ANO3: variants seen among roughly 807,000 people sequenced by gnomAD.
ANO3 encodes the protein anoctamin 3.
ANO3 carries 99 observed loss-of-function variants against 144.8 expected under a neutral mutation model. That is an observed-to-expected ratio of 0.68 (90% CI 0.58 to 0.81). ANO3 has a LOEUF of 0.81. ANO3 is among the 30% of genes least tolerant of loss of function. The pLI, the probability that ANO3 is intolerant of heterozygous loss-of-function variation, is 0.00. For synonymous variants in ANO3, 414 were observed against 392.6 expected (o/e 1.05, Z -0.64); for missense variants, 905 against 1,202.2 (o/e 0.75, Z 3.66).
intron 14 of ANO3, among the ~76,000 whole-genome samples, chr11:26,579,581 C>A (rs1241423545): frequency 9.9e-5 from 15 of 152,202 alleles, no homozygotes; most frequent in Admixed American, 9.8e-4. Context: ...ACAGTTCATA[C>A]AAGCTCTTTA....
chr11:26,423,058 A>G (rs539452383), intron 1 of ANO3, among the ~76,000 whole-genome samples: 1 of 152,040 alleles, frequency 6.6e-6, no homozygotes, highest in Admixed American at 6.6e-5. Context: ...TATTTTCTCT[A>G]TTTCTTTAAG....
At chr11:26,630,691 A>G (rs1852748733) in intron 18 of ANO3, among the ~76,000 whole-genome samples, 1 of 152,218 alleles carries the variant, frequency 6.6e-6, no homozygotes, top group Admixed American at 6.5e-5. Flanking sequence ...CACTAGGCTT[A>G]GTCGAGATAT....
At chr11:26,459,726 G>C (rs1461570950) in intron 3 of ANO3, among the ~76,000 whole-genome samples, 1 of 152,024 alleles carries the variant, frequency 6.6e-6, no homozygotes, top group African/African-American at 2.4e-5. Flanking sequence ...GTGCTGAAGA[G>C]TGAAATGTAC....
At chr11:26,193,415 C>T (rs1305891665) in intron 1 of ANO3, among the ~76,000 whole-genome samples, 1 of 152,120 alleles carries the variant, frequency 6.6e-6, no homozygotes, top group Admixed American at 6.5e-5. Context: ...GCTGGGATTA[C>T]AGGCGTCAGC....
At chr11:26,282,340 C>CATGTG (rs1480341424) in intron 1 of ANO3, among the ~76,000 whole-genome samples, 2 of 148,810 alleles carry the variant, frequency 1.3e-5, no homozygotes, top group African/African-American at 5.0e-5. Flanking sequence ...TTATCTGATT[C>CATGTG]ATGTGTCTGA....
intron 1 of ANO3, among the ~76,000 whole-genome samples, chr11:26,371,944 G>A (rs918568486): frequency 2.6e-5 from 4 of 152,150 alleles, no homozygotes; most frequent in Admixed American, 2.0e-4. Context: ...TTCAGTTAAT[G>A]CTGGAATAAG....
intron 1 of ANO3, among the ~76,000 whole-genome samples, chr11:26,389,553 C>T (rs538786941): frequency 6.6e-6 from 1 of 151,912 alleles, no homozygotes; most frequent in African/African-American, 2.4e-5. Flanking sequence ...TAATAAAGAT[C>T]TCTTTTCAAA....
At chr11:26,531,813 T>A (rs1849378885) in intron 8 of ANO3, among the ~76,000 whole-genome samples, 1 of 152,232 alleles carries the variant, frequency 6.6e-6, no homozygotes, top group African/African-American at 2.4e-5. Context: ...GAGATTTGTT[T>A]CATTACTGTC....
chr11:26,351,343 AT>A (rs1270256597), intron 1 of ANO3, among the ~76,000 whole-genome samples: 1 of 151,950 alleles, frequency 6.6e-6, no homozygotes, highest in Admixed American at 6.6e-5. Flanking sequence ...GTGTTACTTA[AT>A]TTTTTGAGAA....
chr11:26,289,605 ACACAC>A (rs1162490927), intron 1 of ANO3, among the ~76,000 whole-genome samples: 21 of 83,032 alleles, frequency 2.5e-4, no homozygotes, highest in Non-Finnish European at 4.4e-4. Flanking sequence ...ATGTACATAT[ACACAC>A]ATATATTCTA....
Position 26,662,565 on chromosome 11 carries a change from G to A in ANO3, c.*2121G>A, listed in dbSNP as rs568215371. 2.0e-5 allele frequency: 3 copies of A among 152,060 alleles called. No individual in the cohort carries two copies. The highest frequency in any genetic ancestry group is 7.2e-5 in the African/African-American group (3 of 41,528). The allele number at this position is 152,060 out of a possible 1,614,324, so 9.4% of individuals were successfully genotyped here. On this transcript the variant is annotated 3_prime_UTR_variant, in exon 27 of 27. Coordinates refer to ENST00000256737, the MANE Select transcript of ANO3 (RefSeq NM_031418.4). ...AGAATAATGATAGCTCTATCCTTAA[G>A]AAGTATTTCCTTTCCTTTTTATATA...
At chr11:26,329,319 CACACACACAG>C (rs909878202), upstream of ANO3, among the ~76,000 whole-genome samples, 1 of 74,098 alleles carries the variant, frequency 1.3e-5, no homozygotes, top group African/African-American at 3.7e-5. Context: ...CACACACACA[CACACACACAG>C]AGAGAGAGAG....
At chr11:26,197,494 G>A (rs565397089) in intron 1 of ANO3, among the ~76,000 whole-genome samples, 17 of 152,042 alleles carry the variant, frequency 1.1e-4, no homozygotes, top group African/African-American at 2.7e-4. Context: ...GACTACAGGC[G>A]CATGCCACCA....
intron 1 of ANO3, among the ~76,000 whole-genome samples, chr11:26,237,729 T>TA (rs1025956698): frequency 1.3e-5 from 2 of 152,196 alleles, no homozygotes; most frequent in Non-Finnish European, 1.5e-5. Flanking sequence ...TTTTGTAAAC[T>TA]AAAAATACTT....
chr11:26,266,354 G>A (rs1200323902), intron 1 of ANO3, among the ~76,000 whole-genome samples: 2 of 151,846 alleles, frequency 1.3e-5, no homozygotes, highest in East Asian at 3.9e-4. Context: ...CCTATTATAT[G>A]GCAAACGATC....
At chr11:26,190,345 T>C (rs1224517518) in intron 1 of ANO3, among the ~76,000 whole-genome samples, 2 of 152,138 alleles carry the variant, frequency 1.3e-5, no homozygotes, top group Non-Finnish European at 2.9e-5. Context: ...TTTTACAGTA[T>C]AAGAGTTCTT....
At chr11:26,416,608 G>A (rs1857594991) in intron 1 of ANO3, among the ~76,000 whole-genome samples, 1 of 151,868 alleles carries the variant, frequency 6.6e-6, no homozygotes, top group Non-Finnish European at 1.5e-5. Flanking sequence ...TTGTATTTTA[G>A]TAGAGATGGG....
At chr11:26,510,858 T>C (rs1861637511) in intron 5 of ANO3, among the ~76,000 whole-genome samples, 1 of 152,170 alleles carries the variant, frequency 6.6e-6, no homozygotes, top group African/African-American at 2.4e-5. Flanking sequence ...ATGTTAGTCA[T>C]CCAAAAAGGG....
intron 1 of ANO3, among the ~76,000 whole-genome samples, chr11:26,229,476 A>C (rs555165908): frequency 1.5e-4 from 23 of 152,308 alleles, no homozygotes; most frequent in African/African-American, 5.3e-4. Context: ...AAACAGGAAA[A>C]TGGATGTGAT....
Sources: gnomAD v4.1 joint callset for allele counts (sites outside exome capture counted in the v4.1 genomes callset) on GRCh38, gnomAD v4.1.1 for gene constraint, MANE v1.5 for transcripts, NCBI Gene and HGNC (gene_info 2026-07-23, HGNC 2026-07-21) for gene names.